MACROD2: variants seen among roughly 807,000 people sequenced by gnomAD.
MACROD2 encodes the protein ADP-ribose glycohydrolase MACROD2.
In MACROD2, 36 loss-of-function variants were observed where a neutral mutation model predicts 70.4. That is an observed-to-expected ratio of 0.51 (90% confidence interval 0.39 to 0.68). MACROD2 has a LOEUF of 0.68. MACROD2 is among the 30% of genes least tolerant of loss of function. The pLI, the probability that MACROD2 is intolerant of heterozygous loss-of-function variation, is 0.00. For synonymous variants in MACROD2, 172 were observed against 178.8 expected, an observed-to-expected ratio of 0.96 and a Z score of 0.30; for missense variants, 496 against 538.4, an observed-to-expected ratio of 0.92 and a Z score of 0.78.
chr20:15,798,857 C>T (rs1219986843), intron 8 of MACROD2, among the ~76,000 whole-genome samples: 1 of 152,148 alleles, frequency 6.6e-6, no homozygotes, highest in Non-Finnish European at 1.5e-5. Context: ...AATACAACTG[C>T]TTTTCTATGG....
intron 5 of MACROD2, among the ~76,000 whole-genome samples, chr20:14,689,518 C>T (rs1157261418): frequency 6.6e-6 from 1 of 152,204 alleles, no homozygotes; most frequent in Non-Finnish European, 1.5e-5. Context: ...AACACAGACT[C>T]ATTAGCCTGA....
chr20:14,531,218 C>T (rs2085299521), intron 4 of MACROD2, among the ~76,000 whole-genome samples: 1 of 152,074 alleles, frequency 6.6e-6, no homozygotes, highest in African/African-American at 2.4e-5. Context: ...GTGAATGTGA[C>T]CTTATTTGGA....
At chr20:15,701,987 A>T (rs2050467475) in intron 8 of MACROD2, among the ~76,000 whole-genome samples, 1 of 152,152 alleles carries the variant, frequency 6.6e-6, no homozygotes, top group African/African-American at 2.4e-5. Context: ...GCTGCAAAAG[A>T]CATGGTTTTA....
intron 10 of MACROD2, among the ~76,000 whole-genome samples, chr20:15,909,084 A>C (rs540142916): frequency 6.6e-6 from 1 of 152,324 alleles, no homozygotes; most frequent in East Asian, 1.9e-4. Context: ...AGAAATTGGG[A>C]GGCTGAAATA....
intron 15 of MACROD2, among the ~76,000 whole-genome samples, chr20:16,028,876 T>C (rs2067116177): frequency 6.6e-6 from 1 of 152,218 alleles, no homozygotes; most frequent in Non-Finnish European, 1.5e-5. Context: ...CAATCAATTG[T>C]ATCTTTGTCC....
intron 8 of MACROD2, among the ~76,000 whole-genome samples, chr20:15,862,219 C>T (rs1053379202): frequency 1.2e-4 from 19 of 152,178 alleles, no homozygotes; most frequent in African/African-American, 4.6e-4. Context: ...TGTTGCATTT[C>T]CAAGTGTGTT....
intron 2 of MACROD2, among the ~76,000 whole-genome samples, chr20:14,019,084 T>A (rs2053033070): frequency 6.6e-6 from 1 of 152,208 alleles, no homozygotes; most frequent in African/African-American, 2.4e-5. Flanking sequence ...TAATTTGCTC[T>A]GCCCTGGGTT....
intron 3 of MACROD2, among the ~76,000 whole-genome samples, chr20:14,250,834 G>A (rs1039919896): frequency 2.0e-5 from 3 of 151,698 alleles, no homozygotes; most frequent in Non-Finnish European, 4.4e-5. Context: ...GCAATAATAG[G>A]TATAACTGAA....
At chr20:14,982,221 C>G (rs2074807385) in intron 5 of MACROD2, among the ~76,000 whole-genome samples, 1 of 152,110 alleles carries the variant, frequency 6.6e-6, no homozygotes, top group African/African-American at 2.4e-5. Context: ...AGCAGCAAAA[C>G]ATTCAAGAGG....
At chr20:14,265,516 C>T (rs529624549) in intron 3 of MACROD2, among the ~76,000 whole-genome samples, 143 of 147,514 alleles carry the variant, frequency 9.7e-4, no homozygotes, top group Admixed American at 1.9e-3. Flanking sequence ...ACATTTTTTA[C>T]AATAAATTTT....
At chr20:15,798,956 A>T (rs752011890) in intron 8 of MACROD2, among the ~76,000 whole-genome samples, 1 of 152,228 alleles carries the variant, frequency 6.6e-6, no homozygotes, top group Non-Finnish European at 1.5e-5. Context: ...ATGAAAACAA[A>T]TGAACAAAGA....
chr20:15,149,921 T>G (rs1478891493), intron 5 of MACROD2, among the ~76,000 whole-genome samples: 1 of 151,954 alleles, frequency 6.6e-6, no homozygotes, highest in African/African-American at 2.4e-5. Flanking sequence ...GGAAAGGATT[T>G]AGGATCTATG....
intron 5 of MACROD2, among the ~76,000 whole-genome samples, chr20:14,702,199 A>G (rs2071204322): frequency 6.6e-6 from 1 of 152,046 alleles, no homozygotes; most frequent in Admixed American, 6.6e-5. Flanking sequence ...AAGTACTGAG[A>G]AAAATAACAG....
chr20:15,012,066 A>C (rs2075086927), intron 5 of MACROD2, among the ~76,000 whole-genome samples: 1 of 152,198 alleles, frequency 6.6e-6, no homozygotes, highest in Non-Finnish European at 1.5e-5. Flanking sequence ...CTTTTATTAA[A>C]GGCTGTTTGA....
At chr20:14,876,190 A>G (rs1186797752) in intron 5 of MACROD2, among the ~76,000 whole-genome samples, 1 of 151,970 alleles carries the variant, frequency 6.6e-6, no homozygotes, top group Admixed American at 6.6e-5. Context: ...ATGGTATCTC[A>G]CTGTGGTTTT....
intron 8 of MACROD2, among the ~76,000 whole-genome samples, chr20:15,721,042 A>G (rs1357029547): frequency 6.6e-6 from 1 of 152,194 alleles, no homozygotes; most frequent in Non-Finnish European, 1.5e-5. Flanking sequence ...AAATATTTTT[A>G]AAACCTCAAA....
At chr20:15,235,667 A>G (rs955509576) in intron 6 of MACROD2, among the ~76,000 whole-genome samples, 1 of 152,258 alleles carries the variant, frequency 6.6e-6, no homozygotes, top group African/African-American at 2.4e-5. Context: ...CATGGCAATG[A>G]GTTCTCAGCC....
chr20:16,041,413 T>C, intron 16 of MACROD2, 135 bp downstream of exon 16: 1 of 678,270 alleles, frequency 1.5e-6, no homozygotes, highest in Non-Finnish European at 2.4e-6. Flanking sequence ...TCAAAAACAA[T>C]TTTGTGCTAC....
At chr20:14,630,535 C>T (rs1984451582) in intron 4 of MACROD2, among the ~76,000 whole-genome samples, 1 of 152,096 alleles carries the variant, frequency 6.6e-6, no homozygotes, top group African/African-American at 2.4e-5. Flanking sequence ...TTAGGCTTTC[C>T]AAACAACGTA....
Sources: allele counts gnomAD v4.1 joint callset (sites outside exome capture counted in the v4.1 genomes callset), GRCh38; gene constraint gnomAD v4.1.1; transcripts MANE v1.5; gene names NCBI Gene and HGNC (gene_info 2026-07-23, HGNC 2026-07-21).